The following CLK1 variants were observed in gnomAD, a reference collection of about 807,000 sequenced individuals.
CLK1 encodes the protein dual specificity protein kinase CLK1.
In CLK1, 40 loss-of-function variants were observed where a neutral mutation model predicts 60.9. The observed-to-expected ratio is 0.66, with a 90% confidence interval of 0.51 to 0.86. The LOEUF (loss-of-function observed/expected upper bound fraction) is 0.86, where lower values mean the gene tolerates loss of function less well. Ranked by LOEUF, CLK1 falls within the 40% of genes least tolerant of loss-of-function variation. The probability of loss-of-function intolerance (pLI) is 0.00; values close to 1 mark genes in which losing one functional copy is unlikely to be tolerated. For synonymous variants in CLK1, 203 were observed against 184.4 expected, an observed-to-expected ratio of 1.10 and a Z score of -0.82; for missense variants, 563 against 606.1, an observed-to-expected ratio of 0.93 and a Z score of 0.75.
chr2:200,861,381 C>A lies in CLK1; in HGVS notation c.247G>T (p.Gly83Ter). The A allele has an allele frequency of 6.2e-7, 1 of 1,614,140 alleles. No homozygotes were observed. Among genetic ancestry groups the A allele is most frequent in the Non-Finnish European group, 8.5e-7 (1 of 1,180,020 alleles). ...CTTTGGCGATGTCCAGGTTCACATC[C>A]TTGAGTGTAGTCATTTCTGTACTCA... is the stretch of plus-strand genomic sequence containing the variant. ...IDEYRNDYTQ[G>*]CEPGHRQRDH... Residue 83 changes from glycine to a stop codon, truncating the protein, a stop_gained, in exon 3 of 13, where the codon GGA (glycine) becomes TGA (stop). Transcript: ENST00000321356. LOFTEE classifies it high-confidence loss of function.
At position 200,861,290 on chromosome 2, in the gene CLK1, T is replaced by C. The variant is rs1276939193; in HGVS notation, c.338A>G (p.Tyr113Cys). The change falls in exon 3 of 13, where the codon TAT (tyrosine) becomes TGT (cysteine). Residue 113 changes from tyrosine to cysteine, a missense_variant. Around this residue, in one of 3 missense-constraint regions of CLK1, gnomAD observed 198 missense variants for 179.2 expected, o/e 1.10. Transcript: ENST00000321356. ...GTGGTGAATCCTGTGTTTGCTTTTA[T>C]AACTACTTCTTCCACTTCTACCAGA... ...KSSGRSGRSS[Y>C]KSKHRIHHST... 1 of 1,614,212 alleles carries C rather than the reference T, an allele frequency of 6.2e-7. No homozygotes were observed. The highest frequency in any genetic ancestry group is 8.5e-7 in the Non-Finnish European group (1 of 1,180,030).
At chr2:200,854,761 A>G (rs1210133887) in intron 10 of CLK1, 66 bp from the exon 11 acceptor site, 44 of 1,206,248 alleles carry the variant, frequency 3.6e-5, no homozygotes, top group Non-Finnish European at 5.4e-5. Flanking sequence ...TAAAGCTGAC[A>G]GCAAAAAAAC....
intron 3 of CLK1, chr2:200,860,885 T>C (rs2039126391): frequency 1.9e-6 from 2 of 1,073,814 alleles, no homozygotes; most frequent in Non-Finnish European, 2.3e-6. Context: ...AAATGCCCTG[T>C]TCTACTTTTG....
chr2:200,857,986 G>C lies in CLK1; in HGVS notation c.652C>G (p.Pro218Ala), dbSNP rs761335721. 1 of 1,613,292 alleles carries C rather than the reference G, an allele frequency of 6.2e-7. No homozygotes were observed. The highest frequency in any genetic ancestry group is 8.5e-7 in the Non-Finnish European group (1 of 1,179,358). The part of the protein sequence containing the change: ...QVLEHLNTTD[P>A]NSTFRCVQML... ...TCTGATACTTACAAAGTACTGTTGGGGTCTGTTGTATTCAGATGTTCCAGA... is the reference window on the plus strand; with the variant it reads ...TCTGATACTTACAAAGTACTGTTGGCGTCTGTTGTATTCAGATGTTCCAGA... The change falls in exon 6 of 13, where the codon CCC becomes GCC. Residue 218 changes from proline (P) to alanine (A), a missense_variant. By Grantham distance (27) the Pro-to-Ala change is conservative. Around this residue, in one of 3 missense-constraint regions of CLK1, gnomAD observed 360 missense variants for 407.0 expected, o/e 0.88. Coordinates refer to ENST00000321356, the MANE Select transcript of CLK1 (RefSeq NM_004071.4).
At chr2:200,857,630 A>T (rs1262355034) in intron 7 of CLK1, 88 bp downstream of exon 7, 4 of 1,129,200 alleles carry the variant, frequency 3.5e-6, no homozygotes, top group South Asian at 1.7e-5. Flanking sequence ...TTTTTAATCA[A>T]ATAAAAATTG....
chr2:200,853,678 T>TGAA (rs1553605581), intron 12 of CLK1, among the ~76,000 whole-genome samples: 4 of 63,450 alleles, frequency 6.3e-5, no homozygotes, highest in East Asian at 1.1e-3. Context: ...TGTCTTTACT[T>TGAA]GAAAAAAAAA....
At chr2:200,861,514 T>G (rs983588377) in intron 2 of CLK1, 48 bp from the exon 3 acceptor site, 1 of 1,597,890 alleles carries the variant, frequency 6.3e-7, no homozygotes, top group Non-Finnish European at 8.5e-7. Flanking sequence ...AGACCAAATA[T>G]CCTCACATTC....
rs1183617024 is a variant in CLK1 at position 200,864,227 on chromosome 2, C to T, written c.-1+337G>A. The T allele has an allele frequency of 3.2e-6, 5 of 1,545,432 alleles. No individual in the cohort carries two copies. The Admixed American group carries it at 6.0e-5, about 18-fold the overall frequency. ...AAGCCGGCCTCCGCCCAGCCGCCAT[C>T]TTACAGCTCCGCCGAGGCGGTTCAC... On this transcript the variant is annotated intron_variant, in intron 1 of 12. Coordinates refer to ENST00000321356, the MANE Select transcript of CLK1 (RefSeq NM_004071.4).
At chr2:200,864,200 C>A (rs1411961794) in intron 1 of CLK1, 1 of 1,550,206 alleles carries the variant, frequency 6.5e-7, no homozygotes, top group Non-Finnish European at 8.7e-7. Context: ...GCCACAGGGC[C>A]GAAGCCGGCC....
Position 200,861,240 on chromosome 2 carries a change from C to T in CLK1, c.388G>A (p.Gly130Arg), listed in dbSNP as rs750602456. ...HHSTSHRRSH[G>R]KSHRRKRTRS... ...AAATGTTTTAAAAACGTTCATACCC[C>T]ATGTGAACGACGATGTGAAGTACTG... Residue 130 changes from glycine to arginine, a missense_variant and splice_region_variant, in exon 3 of 13, where the codon GGG (glycine) becomes AGG (arginine). Physicochemically the swap from Gly to Arg is moderately radical, Grantham distance 125. Coordinates refer to ENST00000321356, the MANE Select transcript of CLK1 (RefSeq NM_004071.4). 2 of 1,613,850 alleles carry T rather than the reference C, an allele frequency of 1.2e-6. No individual in the cohort carries two copies. Among genetic ancestry groups the T allele is most frequent in the South Asian group, 2.2e-5 (2 of 91,050 alleles).
At chr2:200,863,453 G>C (rs559845479) in intron 1 of CLK1, among the ~76,000 whole-genome samples, 1 of 152,294 alleles carries the variant, frequency 6.6e-6, no homozygotes, top group African/African-American at 2.4e-5. Flanking sequence ...AACTACTCAG[G>C]AGGCTGAGGT....
chr2:200,855,203 C>T, intron 9 of CLK1, 117 bp from the exon 10 acceptor site: 1 of 701,996 alleles, frequency 1.4e-6, no homozygotes, highest in Non-Finnish European at 2.3e-6. Flanking sequence ...AGGCTGGGCA[C>T]AGTGGCTCAC....
chr2:200,859,313 C>A (rs770122846), intron 5 of CLK1, among the ~76,000 whole-genome samples: 1 of 152,146 alleles, frequency 6.6e-6, no homozygotes, highest in Non-Finnish European at 1.5e-5. Flanking sequence ...TAGGTAACTA[C>A]CCTGAAAAGG....
In CLK1 at chr2:200,854,492, C is replaced by T. The variant is rs538707537; in HGVS notation, c.1220+124G>A. The stretch of plus-strand genomic sequence containing the variant: ...GAGAGCTTGCATTGAGCCGAGGTCA[C>T]GCCACTGCACTCCAGCCTGGGCAAC... On this transcript the variant is annotated intron_variant, in intron 11 of 12. Coordinates refer to ENST00000321356, the MANE Select transcript of CLK1 (RefSeq NM_004071.4). The T allele has an allele frequency of 7.0e-5, 43 of 617,680 alleles. No individual in the cohort carries two copies. In the Middle Eastern group the frequency reaches 1.4e-3, roughly 20 times the overall value. The allele number at this position is 617,680 out of a possible 1,614,324, so 38.3% of individuals were successfully genotyped here.
At position 200,857,704 on chromosome 2, in the gene CLK1, T is replaced by C. The variant is rs757838932; in HGVS notation, c.832+14A>G. ...TAAAACCAGCAAATTAACGAAGATA[T>C]ACCAAGAACTTACAATTCACAGACT... On this transcript the variant is annotated intron_variant, in intron 7 of 12. Coordinates refer to ENST00000321356, the MANE Select transcript of CLK1 (RefSeq NM_004071.4). The C allele has an allele frequency of 7.0e-6, 11 of 1,569,048 alleles. No individual in the cohort carries two copies. The highest frequency in any genetic ancestry group is 1.2e-5 in the South Asian group (1 of 83,696).
chr2:200,854,762 G>T, intron 10 of CLK1, 67 bp from the exon 11 acceptor site: 1 of 1,159,988 alleles, frequency 8.6e-7, no homozygotes, highest in Non-Finnish European at 1.3e-6. Flanking sequence ...AAAGCTGACA[G>T]CAAAAAAACT....
At position 200,856,727 on chromosome 2, in the gene CLK1, T is replaced by C. The variant is rs757130852; in HGVS notation, c.1012A>G (p.Thr338Ala). ...CTATAATGTCTTGTAGATACCAATG[T>C]ACTGTGATGTTCGTCATCATATGTT... is the stretch of plus-strand genomic sequence containing the variant. ...SATYDDEHHS[T>A]LVSTRHYRAP... The change falls in exon 9 of 13, where the codon ACA (threonine) becomes GCA (alanine). Residue 338 changes from threonine (T) to alanine (A), a missense_variant. Physicochemically the swap from Thr to Ala is moderately conservative, Grantham distance 58. Transcript: ENST00000321356. 3.1e-6 allele frequency: 5 copies of C among 1,612,804 alleles called. No individual in the cohort carries two copies. Among genetic ancestry groups the C allele is most frequent in the Non-Finnish European group, 4.2e-6 (5 of 1,179,608 alleles).
intron 2 of CLK1, 117 bp from the exon 3 acceptor site, chr2:200,861,583 C>A: frequency 6.4e-7 from 1 of 1,558,212 alleles, no homozygotes; most frequent in Admixed American, 1.9e-5. Flanking sequence ...ACATTACAAA[C>A]CATCAAAATC....
intron 1 of CLK1, 126 bp downstream of exon 1, chr2:200,864,438 G>A: frequency 5.1e-6 from 3 of 582,724 alleles, no homozygotes; most frequent in Non-Finnish European, 5.5e-6. Flanking sequence ...GGGAGTGAAG[G>A]GAGCAGGCAG....
Sources: gnomAD v4.1 joint callset for allele counts (sites outside exome capture counted in the v4.1 genomes callset) on GRCh38, gnomAD v4.1.1 for gene constraint, gnomAD v4.1.1 regional missense constraint, MANE v1.5 for transcripts, NCBI Gene and HGNC (gene_info 2026-07-23, HGNC 2026-07-21) for gene names.